Variants in FHIP2A observed in about 807,000 individuals in gnomAD.
FHIP2A encodes FHF complex subunit HOOK interacting protein 2A.
FHIP2A carries 46 observed loss-of-function variants against 93.5 expected under a neutral mutation model. The ratio of observed to expected loss-of-function variants is 0.49; its 90% CI spans 0.39 to 0.63. The LOEUF is 0.63. Among genes scored for constraint, FHIP2A ranks in the 20% least tolerant of loss-of-function variants. The probability of loss-of-function intolerance (pLI) is 0.00; values close to 1 mark genes in which losing one functional copy is unlikely to be tolerated. For missense variants in FHIP2A, 769 were observed against 909.7 expected, an observed-to-expected ratio of 0.85 and a Z score of 1.99; for synonymous variants, 332 against 326.5, an observed-to-expected ratio of 1.02 and a Z score of -0.18.
At chr10:114,844,026 CTT>C (rs530863911) in intron 7 of FHIP2A, 89 bp downstream of exon 7, 18 of 1,130,750 alleles carry the variant, frequency 1.6e-5, no homozygotes, top group Non-Finnish European at 2.1e-5. Context: ...TGGTAGAAGT[CTT>C]TGAAAAATTG....
chr10:114,840,263 G>A (rs1055240708), intron 5 of FHIP2A, among the ~76,000 whole-genome samples: 1 of 152,196 alleles, frequency 6.6e-6, no homozygotes, highest in African/African-American at 2.4e-5. Flanking sequence ...GCCTTGACAT[G>A]TTTAGAGTGG....
At chr10:114,831,537 G>A (rs1410080987) in intron 2 of FHIP2A, among the ~76,000 whole-genome samples, 1 of 152,076 alleles carries the variant, frequency 6.6e-6, no homozygotes, top group Non-Finnish European at 1.5e-5. Context: ...TTCTTGGAGC[G>A]TTTGTGTATA....
chr10:114,859,274 G>A (rs757520507), intron 14 of FHIP2A, among the ~76,000 whole-genome samples: 31 of 151,064 alleles, frequency 2.1e-4, no homozygotes, highest in Admixed American at 1.3e-4. Context: ...CATGTTCATC[G>A]TAGCGTCTGT....
intron 16 of FHIP2A, among the ~76,000 whole-genome samples, chr10:114,869,849 T>C (rs549815216): frequency 6.6e-6 from 1 of 152,352 alleles, no homozygotes; most frequent in East Asian, 1.9e-4. Flanking sequence ...CAGTTCTTAA[T>C]GGTTGGAGTC....
In FHIP2A at chr10:114,857,314, C is replaced by CTTTTTTTTTTTTTTTTTTTTTTTTT. The variant is rs78583275; in HGVS notation, c.1947+1986_1947+1987insTTTTTTTTTTTTTTTTTTTTTTTTT. 9.9e-5 allele frequency among the ~76,000 whole-genome samples: 12 copies of CTTTTTTTTTTTTTTTTTTTTTTTTT among 120,724 alleles called. 1 individual carries two copies. The highest frequency in any genetic ancestry group is 3.0e-4 in the South Asian group (1 of 3,384). 79.2% of individuals were successfully genotyped at this position (120,724 alleles called of 152,430 possible). On this transcript the variant is annotated intron_variant, in intron 14 of 16. Transcript: ENST00000369248. ...TTTCTTTCTCTCCCTATTTCTTCTT[C>CTTTTTTTTTTTTTTTTTTTTTTTTT]TTTTTTTTTTTTCTGAGACCGAGTC...
intron 3 of FHIP2A, among the ~76,000 whole-genome samples, chr10:114,833,939 G>A (rs189443909): frequency 8.5e-5 from 13 of 152,250 alleles, no homozygotes; most frequent in Middle Eastern, 3.4e-3. Flanking sequence ...GTAAGGGAAC[G>A]GGAGAGCCTT....
intron 16 of FHIP2A, among the ~76,000 whole-genome samples, chr10:114,876,844 C>T (rs766106934): frequency 6.6e-6 from 1 of 152,286 alleles, no homozygotes; most frequent in Non-Finnish European, 1.5e-5. Flanking sequence ...CGCCCCCGCA[C>T]AAGGGAAGGG....
At chr10:114,874,636 G>A (rs544150105) in intron 16 of FHIP2A, among the ~76,000 whole-genome samples, 48 of 152,246 alleles carry the variant, frequency 3.2e-4, no homozygotes, top group African/African-American at 1.2e-3. Context: ...CTGAGCAGCT[G>A]GGATTACAGG....
chr10:114,898,440 C>T (rs1276354221), intron 16 of FHIP2A, among the ~76,000 whole-genome samples: 1 of 152,128 alleles, frequency 6.6e-6, no homozygotes, highest in Non-Finnish European at 1.5e-5. Context: ...AGCCTCAGCC[C>T]ACCAGCTGAT....
chr10:114,874,696 G>A (rs575766597), intron 16 of FHIP2A, among the ~76,000 whole-genome samples: 3 of 152,032 alleles, frequency 2.0e-5, no homozygotes, highest in Non-Finnish European at 4.4e-5. Context: ...TAGAAATGGG[G>A]TTTCACCATG....
At chr10:114,881,985 CTTTG>C (rs1481768911) in intron 16 of FHIP2A, among the ~76,000 whole-genome samples, 1 of 152,164 alleles carries the variant, frequency 6.6e-6, no homozygotes, top group Non-Finnish European at 1.5e-5. Flanking sequence ...TGTATGTGGG[CTTTG>C]TTTGTTTGTA....
chr10:114,846,802 T>C, intron 11 of FHIP2A, 74 bp downstream of exon 11: 2 of 1,315,922 alleles, frequency 1.5e-6, no homozygotes, highest in Non-Finnish European at 2.1e-6. Flanking sequence ...CTTATCTACC[T>C]CCCTTATCCT....
downstream of FHIP2A, among the ~76,000 whole-genome samples, chr10:114,864,894 G>A (rs998804417): frequency 1.3e-5 from 2 of 152,150 alleles, no homozygotes; most frequent in Admixed American, 1.3e-4. Flanking sequence ...GTGGAGGAGA[G>A]ATGTGTAGCT....
chr10:114,829,406 C>T (rs556146721), intron 1 of FHIP2A, among the ~76,000 whole-genome samples: 2 of 151,280 alleles, frequency 1.3e-5, no homozygotes, highest in African/African-American at 4.9e-5. Flanking sequence ...AGGATGGCAT[C>T]TTTCAGACAT....
At chr10:114,852,671 G>T (rs993335003) in intron 13 of FHIP2A, among the ~76,000 whole-genome samples, 1 of 152,100 alleles carries the variant, frequency 6.6e-6, no homozygotes. Flanking sequence ...TCCTCAGCTT[G>T]TTCCTTCTGC....
chr10:114,847,255 G>T, intron 12 of FHIP2A, 22 bp downstream of exon 12: 1 of 1,586,658 alleles, frequency 6.3e-7, no homozygotes, highest in South Asian at 1.2e-5. Flanking sequence ...TATAAAATTT[G>T]ACTTCCATCT....
At chr10:114,885,870 A>G (rs535068755) in intron 16 of FHIP2A, among the ~76,000 whole-genome samples, 3 of 152,308 alleles carry the variant, frequency 2.0e-5, no homozygotes, top group South Asian at 4.1e-4. Flanking sequence ...CTTTGCAACC[A>G]TGGTGAGTTA....
At position 114,863,505 on chromosome 10, in the gene FHIP2A, T is replaced by C. The variant is rs559731134; in HGVS notation, c.*1965T>C. On this transcript the variant is annotated 3_prime_UTR_variant, in exon 17 of 17. Transcript: ENST00000369248. Reference sequence around the variant, plus strand: ...AAGCTCAGAAAAGCTTTAACTCTTATATTTGTGTATATGTATGCTGCTTCT... The same window carrying C: ...AAGCTCAGAAAAGCTTTAACTCTTACATTTGTGTATATGTATGCTGCTTCT... The C allele has an allele frequency of 9.3e-5, 106 of 1,139,136 alleles. No homozygotes were observed. The African/African-American group carries it at 1.6e-3, about 17-fold the overall frequency. The allele number at this position is 1,139,136 out of a possible 1,614,324, so 70.6% of individuals were successfully genotyped here. A position where few individuals can be genotyped will look rare whatever the true frequency, so the allele number is the denominator to read the frequency against.
intron 16 of FHIP2A, among the ~76,000 whole-genome samples, chr10:114,893,576 C>G (rs750575210): frequency 6.6e-6 from 1 of 152,114 alleles, no homozygotes; most frequent in Non-Finnish European, 1.5e-5. Flanking sequence ...CTATGCTTCC[C>G]CAAAATCCAG....
Sources: allele counts gnomAD v4.1 joint callset (sites outside exome capture counted in the v4.1 genomes callset), GRCh38; gene constraint gnomAD v4.1.1; transcripts MANE v1.5; gene names NCBI Gene and HGNC (gene_info 2026-07-23, HGNC 2026-07-21).